Variants in LIFR observed in about 807,000 individuals in gnomAD.
LIFR encodes LIF receptor subunit alpha, also known as leukemia inhibitory factor receptor.
In LIFR, 84 loss-of-function variants were observed where a neutral mutation model predicts 122.2. The ratio of observed to expected loss-of-function variants is 0.69; its 90% CI spans 0.58 to 0.82. LIFR has a LOEUF of 0.82. LIFR is among the 40% of genes least tolerant of loss of function. The pLI, the probability that LIFR is intolerant of heterozygous loss-of-function variation, is 0.00. For missense variants in LIFR, 1,294 were observed against 1,311.6 expected, an observed-to-expected ratio of 0.99 and a Z score of 0.21; for synonymous variants, 422 against 434.7, an observed-to-expected ratio of 0.97 and a Z score of 0.36.
chr5:38,537,865 T>G lies in LIFR; in HGVS notation c.-19-7199A>C, dbSNP rs77757419. ...AAAAAATCTTAATATGCATATTAACTCTGTTACATACATAGCAAATAGATT... is the reference window on the plus strand; with the variant it reads ...AAAAAATCTTAATATGCATATTAACGCTGTTACATACATAGCAAATAGATT... On this transcript the variant is annotated intron_variant, in intron 1 of 19. Coordinates refer to ENST00000453190, the MANE Select transcript of LIFR (RefSeq NM_001127671.2). 2.2e-3 allele frequency among the ~76,000 whole-genome samples: 338 copies of G among 152,356 alleles called. 10 individuals are homozygous for G. The East Asian group carries it at 0.059, about 27-fold the overall frequency.
upstream of LIFR, among the ~76,000 whole-genome samples, chr5:38,561,585 C>G (rs1748841306): frequency 6.6e-6 from 1 of 152,150 alleles, no homozygotes; most frequent in Non-Finnish European, 1.5e-5. Context: ...TTATTGTAGA[C>G]CATCTGAAAT....
In LIFR at chr5:38,478,094, C is replaced by T. The variant is rs1179874527; in HGVS notation, c.*3501G>A. On this transcript the variant is annotated 3_prime_UTR_variant, in exon 20 of 20. Coordinates refer to ENST00000453190, the MANE Select transcript of LIFR (RefSeq NM_001127671.2). ...AATTCCCTTTGGAAGAAAACATCCC[C>T]TAGTCTCCTTCACTAAATTACAAAT... 5 of 208,030 alleles carry T rather than the reference C, an allele frequency of 2.4e-5. No individual in the cohort carries two copies. Among genetic ancestry groups the T allele is most frequent in the African/African-American group, 9.1e-5 (4 of 43,918 alleles). The allele number at this position is 208,030 out of a possible 1,614,324, so 12.9% of individuals were successfully genotyped here. A position where few individuals can be genotyped will look rare whatever the true frequency, so the allele number is the denominator to read the frequency against.
At chr5:38,501,055 T>C (rs1043946810) in intron 11 of LIFR, among the ~76,000 whole-genome samples, 1 of 151,996 alleles carries the variant, frequency 6.6e-6, no homozygotes, top group African/African-American at 2.4e-5. Flanking sequence ...AAGCCTGCAG[T>C]CCCCACCCAC....
At chr5:38,528,478 A>C (rs565287278) in intron 3 of LIFR, among the ~76,000 whole-genome samples, 11 of 152,258 alleles carry the variant, frequency 7.2e-5, no homozygotes, top group African/African-American at 2.6e-4. Context: ...TCTGAGTGAC[A>C]GTCTTATCTA....
At chr5:38,580,747 T>A (rs1749554269) in intron 1 of LIFR, among the ~76,000 whole-genome samples, 1 of 152,208 alleles carries the variant, frequency 6.6e-6, no homozygotes, top group Non-Finnish European at 1.5e-5. Flanking sequence ...TCAGCACCAA[T>A]TGAGCCTCTT....
chr5:38,482,645 CA>C lies in LIFR; in HGVS notation c.2613del (p.Asp872IlefsTer29), dbSNP rs1214307902. The stretch of plus-strand genomic sequence containing the variant: ...TTACAGTTTTCTGGATTTGGAATAT[CA>C]GGGTAGAAGGTTTCTTTAATCCTTT... ...KREWIKETFY[P>X]DIPNPENCKA... On this transcript the variant is annotated frameshift_variant, in exon 19 of 20. Coordinates refer to ENST00000453190, the MANE Select transcript of LIFR (RefSeq NM_001127671.2). LOFTEE classifies it high-confidence loss of function. 1 of 1,478,538 alleles carries C rather than the reference CA, an allele frequency of 6.8e-7. No homozygotes were observed. Among genetic ancestry groups the C allele is most frequent in the Non-Finnish European group, 9.2e-7 (1 of 1,084,138 alleles). 91.6% of individuals were successfully genotyped at this position (1,478,538 alleles called of 1,614,324 possible).
At chr5:38,508,806 G>A (rs560240434) in intron 7 of LIFR, among the ~76,000 whole-genome samples, 3 of 151,840 alleles carry the variant, frequency 2.0e-5, no homozygotes, top group South Asian at 4.2e-4. Context: ...GGATGGTCTC[G>A]ATCTCCTGAC....
chr5:38,515,751 G>A (rs189209991), intron 5 of LIFR, among the ~76,000 whole-genome samples: 7 of 152,046 alleles, frequency 4.6e-5, no homozygotes, highest in Non-Finnish European at 8.8e-5. Flanking sequence ...GAAACAGGTC[G>A]TTTCCAGGGA....
intron 18 of LIFR, 122 bp downstream of exon 18, chr5:38,484,645 AATTAAAAC>A (rs1484294265): frequency 2.8e-5 from 19 of 681,100 alleles, no homozygotes; most frequent in Non-Finnish European, 5.1e-5. Flanking sequence ...CATTAATTCT[AATTAAAAC>A]ATTTTTTAAC....
chr5:38,586,407 C>G (rs930968215), intron 1 of LIFR, among the ~76,000 whole-genome samples: 1 of 152,174 alleles, frequency 6.6e-6, no homozygotes, highest in Non-Finnish European at 1.5e-5. Flanking sequence ...GTCTGTTACA[C>G]CAAGCTGTAC....
chr5:38,480,607 C>T lies in LIFR; in HGVS notation c.*988G>A, dbSNP rs3776425. ...CCACTGCCTGGGTAGCCAAGCTCAA[C>T]GGCATGGTCTCCTCAGGAGGAACGA... is the stretch of plus-strand genomic sequence containing the variant. On this transcript the variant is annotated 3_prime_UTR_variant, in exon 20 of 20. Transcript: ENST00000453190. The T allele has an allele frequency of 0.025, 5,572 of 220,250 alleles. 534 individuals carry two copies. The East Asian group carries it at 0.26, about 10-fold the overall frequency. The allele number at this position is 220,250 out of a possible 1,614,324, so 13.6% of individuals were successfully genotyped here.
At chr5:38,549,252 TACACACACACACACACACACAC>T (rs58706799) in intron 1 of LIFR, among the ~76,000 whole-genome samples, 7 of 147,804 alleles carry the variant, frequency 4.7e-5, no homozygotes, top group African/African-American at 1.5e-4. Context: ...TAGAAAATTG[TACACACACACACACACACACAC>T]ACACACACAC....
At chr5:38,596,462 C>T (rs1389014059), upstream of LIFR, among the ~76,000 whole-genome samples, 1 of 152,188 alleles carries the variant, frequency 6.6e-6, no homozygotes, top group Non-Finnish European at 1.5e-5. Flanking sequence ...TGGGCCCCAC[C>T]TCCAGAGTTT....
intron 7 of LIFR, among the ~76,000 whole-genome samples, chr5:38,507,563 C>CAAA (rs35427960): frequency 1.4e-4 from 15 of 110,766 alleles, no homozygotes; most frequent in African/African-American, 3.6e-4. Flanking sequence ...TACTCCGTCT[C>CAAA]AAAAAAAAAA....
At chr5:38,520,698 C>T (rs986790840) in intron 5 of LIFR, among the ~76,000 whole-genome samples, 1 of 152,152 alleles carries the variant, frequency 6.6e-6, no homozygotes, top group South Asian at 2.1e-4. Context: ...TATCCTTTCC[C>T]CAACTATGTA....
In LIFR at chr5:38,493,547, C is replaced by T. The variant is rs1191082767; in HGVS notation, c.2065+59G>A. 10 of 1,486,560 alleles carry T rather than the reference C, an allele frequency of 6.7e-6. No individual in the cohort carries two copies. The Admixed American group carries it at 8.4e-5, about 12-fold the overall frequency. The allele number at this position is 1,486,560 out of a possible 1,614,324, so 92.1% of individuals were successfully genotyped here. On this transcript the variant is annotated intron_variant, in intron 14 of 19. Transcript: ENST00000453190. Reference sequence around the variant, plus strand: ...AATCACTTCACTGCACCCAGTCTTACGTGTTGCCTTTTAAAAATATTTTGT... The same window carrying T: ...AATCACTTCACTGCACCCAGTCTTATGTGTTGCCTTTTAAAAATATTTTGT...
At chr5:38,485,482 C>T in intron 17 of LIFR, 1 of 343,470 alleles carries the variant, frequency 2.9e-6, no homozygotes, top group Non-Finnish European at 5.4e-6. Context: ...TTCACTTTTC[C>T]CTAGATATGT....
At chr5:38,579,836 A>T (rs1749524876) in intron 1 of LIFR, among the ~76,000 whole-genome samples, 1 of 152,194 alleles carries the variant, frequency 6.6e-6, no homozygotes, top group African/African-American at 2.4e-5. Flanking sequence ...TAGGTCATCC[A>T]AAAACCTGGG....
Position 38,553,674 on chromosome 5 carries a change from T to A in LIFR, c.-20+2660A>T, listed in dbSNP as rs7710500. Among the ~76,000 whole-genome samples the A allele has an allele frequency of 7.2e-3, 676 of 93,788 alleles. 11 individuals are homozygous for A. Among genetic ancestry groups the A allele is most frequent in the African/African-American group, 0.022 (563 of 26,098 alleles). The allele number at this position is 93,788 out of a possible 152,430, so 61.5% of individuals were successfully genotyped here. A position where few individuals can be genotyped will look rare whatever the true frequency, so the allele number is the denominator to read the frequency against. On this transcript the variant is annotated intron_variant, in intron 1 of 19. Transcript: ENST00000453190. ...TATATATATATATATATATATATATTATATGTATGTATATATTTTAAAAGA... is the reference window on the plus strand; with the variant it reads ...TATATATATATATATATATATATATAATATGTATGTATATATTTTAAAAGA...
Sources: allele counts gnomAD v4.1 joint callset (sites outside exome capture counted in the v4.1 genomes callset), GRCh38; gene constraint gnomAD v4.1.1; transcripts MANE v1.5; gene names NCBI Gene and HGNC (gene_info 2026-07-23, HGNC 2026-07-21).